AFG2A: variants seen among roughly 807,000 people sequenced by gnomAD.
AFG2A encodes ATPase family gene 2 protein homolog A.
the AFG2A span, among the ~76,000 whole-genome samples, chr4:123,001,364 G>A: frequency 2.6e-5 from 4 of 151,834 alleles, no homozygotes; most frequent in African/African-American, 9.7e-5. Context: ...TGTGTTTGCT[G>A]TTGCTTTTCT....
chr4:122,960,772 A>T, the AFG2A span, among the ~76,000 whole-genome samples: 1 of 152,138 alleles, frequency 6.6e-6, no homozygotes, highest in South Asian at 2.1e-4. Flanking sequence ...GTGTTCTGAG[A>T]TATTTTTAGC....
At chr4:122,929,436 G>C in the AFG2A span, among the ~76,000 whole-genome samples, 5 of 152,304 alleles carry the variant, frequency 3.3e-5, no homozygotes, top group East Asian at 9.6e-4. Flanking sequence ...GCTTATGCCT[G>C]TAATCTCAGC....
chr4:123,187,026 G>A, the AFG2A span, among the ~76,000 whole-genome samples: 1 of 152,100 alleles, frequency 6.6e-6, no homozygotes, highest in Non-Finnish European at 1.5e-5. Flanking sequence ...AAGAGGATGA[G>A]CCTAGATACA....
At chr4:123,002,190 G>C in the AFG2A span, among the ~76,000 whole-genome samples, 1 of 151,624 alleles carries the variant, frequency 6.6e-6, no homozygotes, top group Admixed American at 6.6e-5. Flanking sequence ...TTTTGAGCCT[G>C]TGTGTGTCTC....
the AFG2A span, among the ~76,000 whole-genome samples, chr4:123,083,501 G>C: frequency 6.6e-6 from 1 of 150,498 alleles, no homozygotes; most frequent in Non-Finnish European, 1.5e-5. Context: ...GTTTTCAAGT[G>C]TTAAACTAGC....
the AFG2A span, among the ~76,000 whole-genome samples, chr4:123,164,405 C>T: frequency 6.6e-6 from 1 of 152,022 alleles, no homozygotes; most frequent in Non-Finnish European, 1.5e-5. Flanking sequence ...GCCCTGTCAC[C>T]CAGGCTGGAG....
At chr4:123,194,204 T>G in the AFG2A span, among the ~76,000 whole-genome samples, 4 of 152,184 alleles carry the variant, frequency 2.6e-5, no homozygotes, top group Non-Finnish European at 4.4e-5. Flanking sequence ...AGTTTGGACA[T>G]AAGGACTAGA....
chr4:123,129,646 C>T, the AFG2A span, among the ~76,000 whole-genome samples: 2 of 152,100 alleles, frequency 1.3e-5, no homozygotes, highest in African/African-American at 2.4e-5. Context: ...TCTTTGTCCT[C>T]CTTGACTCCT....
chr4:123,126,398 T>C, the AFG2A span, among the ~76,000 whole-genome samples: 1 of 152,200 alleles, frequency 6.6e-6, no homozygotes, highest in Admixed American at 6.5e-5. Flanking sequence ...AGCTTAGTTC[T>C]TGATGTTCTC....
the AFG2A span, among the ~76,000 whole-genome samples, chr4:123,122,773 G>GTTTTTTT: frequency 7.1e-6 from 1 of 140,078 alleles, no homozygotes; most frequent in African/African-American, 2.7e-5. Context: ...CATGTCATCT[G>GTTTTTTT]TTTTTTTGTT....
chr4:122,923,143 A>G, the AFG2A span: 28 of 1,614,064 alleles, frequency 1.7e-5, no homozygotes, highest in Non-Finnish European at 2.2e-5. Flanking sequence ...CCTTGTGACC[A>G]TGTCTTCCAA....
chr4:123,039,335 A>G, the AFG2A span, among the ~76,000 whole-genome samples: 1 of 152,106 alleles, frequency 6.6e-6, no homozygotes, highest in East Asian at 1.9e-4. Flanking sequence ...CAATAAAAAC[A>G]GTGACCCCAG....
chr4:123,213,346 C>T, the AFG2A span, among the ~76,000 whole-genome samples: 2 of 152,084 alleles, frequency 1.3e-5, no homozygotes, highest in Non-Finnish European at 2.9e-5. Flanking sequence ...CATGGAAACA[C>T]ACACAAGCAC....
chr4:123,097,760 A>AT, the AFG2A span, among the ~76,000 whole-genome samples: 1 of 152,130 alleles, frequency 6.6e-6, no homozygotes, highest in Non-Finnish European at 1.5e-5. Context: ...GAGAGGTTGT[A>AT]TGCATATGTG....
At chr4:123,124,945 T>TA in the AFG2A span, among the ~76,000 whole-genome samples, 1 of 152,200 alleles carries the variant, frequency 6.6e-6, no homozygotes, top group Non-Finnish European at 1.5e-5. Flanking sequence ...TTGGCGATTC[T>TA]AAAACAATCA....
the AFG2A span, among the ~76,000 whole-genome samples, chr4:122,983,463 G>C: frequency 1.3e-5 from 2 of 151,900 alleles, no homozygotes; most frequent in Non-Finnish European, 2.9e-5. Flanking sequence ...TTTCCTCATA[G>C]AACTACTTTT....
the AFG2A span, among the ~76,000 whole-genome samples, chr4:123,068,143 A>G: frequency 2.0e-5 from 3 of 152,152 alleles, no homozygotes; most frequent in African/African-American, 7.2e-5. Flanking sequence ...TTATGAAATC[A>G]TTTCATTATG....
chr4:123,165,600 A>G, the AFG2A span, among the ~76,000 whole-genome samples: 1 of 152,104 alleles, frequency 6.6e-6, no homozygotes, highest in Non-Finnish European at 1.5e-5. Flanking sequence ...TGAACTAAGT[A>G]GAATTTTTAA....
chr4:123,022,630 T>C, the AFG2A span, among the ~76,000 whole-genome samples: 2 of 149,126 alleles, frequency 1.3e-5, no homozygotes, highest in African/African-American at 2.5e-5. Flanking sequence ...AGTGTGGCGA[T>C]TCCTCAGGGA....
Sources: gnomAD v4.1 joint callset for allele counts (sites outside exome capture counted in the v4.1 genomes callset) on GRCh38, gnomAD v4.1.1 for gene constraint, MANE v1.5 for transcripts, NCBI Gene and HGNC (gene_info 2026-07-23, HGNC 2026-07-21) for gene names.